LRATD1: variants seen among roughly 807,000 people sequenced by gnomAD.
LRATD1 encodes protein LRATD1.
In LRATD1, 8 loss-of-function variants were observed where a neutral mutation model predicts 21.3. That is an observed-to-expected ratio of 0.38 (90% CI 0.22 to 0.68). LRATD1 has a LOEUF of 0.68. LRATD1 is among the 30% of genes least tolerant of loss of function. LRATD1 has a pLI of 0.54. For missense variants in LRATD1, 380 were observed against 404.0 expected (o/e 0.94, Z 0.51); for synonymous variants, 210 against 186.2 (o/e 1.13, Z -1.04).
At chr2:14,643,925 G>T (rs1271636315), downstream of LRATD1, among the ~76,000 whole-genome samples, 3 of 152,182 alleles carry the variant, frequency 2.0e-5, no homozygotes, top group African/African-American at 4.8e-5. Flanking sequence ...TGATTGGTTA[G>T]TAACTAGTAT....
chr2:14,635,186 G>A lies in LRATD1; in HGVS notation c.*328G>A, dbSNP rs1352042651. On this transcript the variant is annotated 3_prime_UTR_variant, in exon 2 of 2. Transcript: ENST00000295092. The stretch of plus-strand genomic sequence containing the variant: ...AGGGGCTGAGGGGAGAAAGGACATG[G>A]CCTTCCCCGCGAGTCCATGGCCAGT... 1.6e-6 allele frequency: 1 copy of A among 624,412 alleles called. No individual in the cohort carries two copies. The highest frequency in any genetic ancestry group is 2.1e-5 in the Admixed American group (1 of 46,924). 38.7% of individuals were successfully genotyped at this position (624,412 alleles called of 1,614,324 possible). A position where few individuals can be genotyped will look rare whatever the true frequency, so the allele number is the denominator to read the frequency against.
downstream of LRATD1, among the ~76,000 whole-genome samples, chr2:14,640,836 A>T (rs1479569558): frequency 2.0e-5 from 3 of 151,962 alleles, no homozygotes; most frequent in African/African-American, 7.3e-5. Flanking sequence ...CACGCACTTT[A>T]TTTCTTCCCA....
chr2:14,649,377 C>T (rs1671962137), exon 5 of LRATD1: 23 of 456,338 alleles, frequency 5.0e-5, no homozygotes, highest in South Asian at 3.4e-4. Context: ...CCACCAACTC[C>T]TTGTATTGCA....
chr2:14,635,321 TTCAGCTCC>T lies in LRATD1; in HGVS notation c.*466_*473del, dbSNP rs1183509024. 4.2e-5 allele frequency: 20 copies of T among 480,930 alleles called. No individual in the cohort carries two copies. Among genetic ancestry groups the T allele is most frequent in the Non-Finnish European group, 8.1e-5 (19 of 234,218 alleles). 29.8% of individuals were successfully genotyped at this position (480,930 alleles called of 1,614,324 possible). ...GAGAACTGGTCTCTACAGGGCACAG[TTCAGCTCC>T]TCTGTGGATGCGTCCCCAGATCGCA... On this transcript the variant is annotated 3_prime_UTR_variant, in exon 2 of 2. Coordinates refer to ENST00000295092, the MANE Select transcript of LRATD1 (RefSeq NM_145175.4).
chr2:14,634,997 G>A lies in LRATD1; in HGVS notation c.*139G>A, dbSNP rs1464136108. On this transcript the variant is annotated 3_prime_UTR_variant, in exon 2 of 2. Coordinates refer to ENST00000295092, the MANE Select transcript of LRATD1 (RefSeq NM_145175.4). Reference sequence around the variant, plus strand: ...GTCCGCCGCCGGTGGCCCGGGCCCGGGCTGCACCCCCGCATCCCCAAGCCA... The same window carrying A: ...GTCCGCCGCCGGTGGCCCGGGCCCGAGCTGCACCCCCGCATCCCCAAGCCA... The A allele has an allele frequency of 8.3e-7, 1 of 1,198,140 alleles. No individual in the cohort carries two copies. Among genetic ancestry groups the A allele is most frequent in the Non-Finnish European group, 1.2e-6 (1 of 843,892 alleles). The allele number at this position is 1,198,140 out of a possible 1,614,324, so 74.2% of individuals were successfully genotyped here.
In LRATD1 at chr2:14,635,676, A is replaced by AGCTC. The variant is rs1294236809; in HGVS notation, c.*824_*827dup. On this transcript the variant is annotated 3_prime_UTR_variant, in exon 2 of 2. Coordinates refer to ENST00000295092, the MANE Select transcript of LRATD1 (RefSeq NM_145175.4). ...ACAGCCGGCCCCGCCCCCGACAAGG[A>AGCTC]GCTCGCTCGTTCACCTGGTGTCTGG... 1 of 463,686 alleles carries AGCTC rather than the reference A, an allele frequency of 2.2e-6. No homozygotes were observed. Among genetic ancestry groups the AGCTC allele is most frequent in the African/African-American group, 2.0e-5 (1 of 49,910 alleles). The allele number at this position is 463,686 out of a possible 1,614,324, so 28.7% of individuals were successfully genotyped here.
chr2:14,638,976 A>G lies in LRATD1; in HGVS notation c.*4118A>G, dbSNP rs965140172. 2 of 166,878 alleles carry G rather than the reference A, an allele frequency of 1.2e-5. No individual in the cohort carries two copies. The highest frequency in any genetic ancestry group is 2.9e-5 in the Non-Finnish European group (2 of 68,106). The allele number at this position is 166,878 out of a possible 1,614,324, so 10.3% of individuals were successfully genotyped here. A position where few individuals can be genotyped will look rare whatever the true frequency, so the allele number is the denominator to read the frequency against. On this transcript the variant is annotated 3_prime_UTR_variant, in exon 2 of 2. Coordinates refer to ENST00000295092, the MANE Select transcript of LRATD1 (RefSeq NM_145175.4). ...ATAATATACATATATGTACATGTAT[A>G]CATATACATACACACATATGTACAT...
chr2:14,634,977 C>A lies in LRATD1; in HGVS notation c.*119C>A. On this transcript the variant is annotated 3_prime_UTR_variant, in exon 2 of 2. Coordinates refer to ENST00000295092, the MANE Select transcript of LRATD1 (RefSeq NM_145175.4). The stretch of plus-strand genomic sequence containing the variant: ...TGCCCCGCCCCGCCACGCGCGTCCG[C>A]CGCCGGTGGCCCGGGCCCGGGCTGC... 1 of 1,337,524 alleles carries A rather than the reference C, an allele frequency of 7.5e-7. No individual in the cohort carries two copies. 82.9% of individuals were successfully genotyped at this position (1,337,524 alleles called of 1,614,324 possible).
chr2:14,641,902 T>C (rs949161016), downstream of LRATD1: 1 of 152,246 alleles, frequency 6.6e-6, no homozygotes, highest in Non-Finnish European at 1.5e-5. Context: ...GTAGCTCCCA[T>C]TGTAGTTTGT....
In LRATD1 at chr2:14,636,966, GATTT is replaced by G. The variant is rs779425722; in HGVS notation, c.*2113_*2116del. On this transcript the variant is annotated 3_prime_UTR_variant, in exon 2 of 2. Transcript: ENST00000295092. ...AGTATTTTTCTTAAGCCTATTGAGT[GATTT>G]ATTTTTTAAAAAATGTTTAAATGCA... The G allele has an allele frequency of 3.6e-5, 6 of 166,988 alleles. No individual in the cohort carries two copies. Among genetic ancestry groups the G allele is most frequent in the South Asian group, 2.1e-4 (1 of 4,818 alleles). The allele number at this position is 166,988 out of a possible 1,614,324, so 10.3% of individuals were successfully genotyped here.
Position 14,637,871 on chromosome 2 carries a change from A to G in LRATD1, c.*3013A>G, listed in dbSNP as rs1240919620. On this transcript the variant is annotated 3_prime_UTR_variant, in exon 2 of 2. Coordinates refer to ENST00000295092, the MANE Select transcript of LRATD1 (RefSeq NM_145175.4). ...GCAATTACCTGAAAAGTTTCCTAACATTTTAATAATGTTAGGGATTTCGTT... is the reference window on the plus strand; with the variant it reads ...GCAATTACCTGAAAAGTTTCCTAACGTTTTAATAATGTTAGGGATTTCGTT... The G allele has an allele frequency of 1.2e-5, 2 of 167,048 alleles. No homozygotes were observed. The highest frequency in any genetic ancestry group is 6.5e-5 in the Admixed American group (1 of 15,278). 10.3% of individuals were successfully genotyped at this position (167,048 alleles called of 1,614,324 possible).
At chr2:14,648,530 A>G (rs1671933899) in intron 4 of LRATD1, among the ~76,000 whole-genome samples, 3 of 152,216 alleles carry the variant, frequency 2.0e-5, no homozygotes, top group Admixed American at 6.5e-5. Context: ...CTGTTTTAAT[A>G]GAAGACAACT....
At chr2:14,646,762 T>A (rs1671903181) in intron 4 of LRATD1, among the ~76,000 whole-genome samples, 1 of 152,162 alleles carries the variant, frequency 6.6e-6, no homozygotes, top group Non-Finnish European at 1.5e-5. Context: ...AAGGACCTAT[T>A]TACACATGTA....
rs1014380146 is a variant in LRATD1, at chr2:14,639,187, G to T, written c.*4329G>T. 1.2e-5 allele frequency: 2 copies of T among 166,822 alleles called. No individual in the cohort carries two copies. The highest frequency in any genetic ancestry group is 2.4e-5 in the African/African-American group (1 of 41,386). 10.3% of individuals were successfully genotyped at this position (166,822 alleles called of 1,614,324 possible). A position where few individuals can be genotyped will look rare whatever the true frequency, so the allele number is the denominator to read the frequency against. On this transcript the variant is annotated 3_prime_UTR_variant, in exon 2 of 2. Coordinates refer to ENST00000295092, the MANE Select transcript of LRATD1 (RefSeq NM_145175.4). ...CAAAAACAGGAAGAAAAGCCCTGGA[G>T]GTCATATAGCTAATGTATAACTGCA...
At chr2:14,642,479 G>T (rs1206992722), downstream of LRATD1, among the ~76,000 whole-genome samples, 1 of 152,146 alleles carries the variant, frequency 6.6e-6, no homozygotes, top group East Asian at 1.9e-4. Context: ...GATGAGACTA[G>T]ACATTTCTTG....
In LRATD1 at chr2:14,634,068, G is replaced by A. The variant is rs754510230; in HGVS notation, c.89G>A (p.Arg30Gln). 2 of 1,614,022 alleles carry A rather than the reference G, an allele frequency of 1.2e-6. No homozygotes were observed. Among genetic ancestry groups the A allele is most frequent in the African/African-American group, 2.7e-5 (2 of 74,932 alleles). Reference sequence around the variant, plus strand: ...TCGGGGATTGAAAAGGACGAACTGCGGGTCGGGGTTGCCTACTTCTTCTCG... The same window carrying A: ...TCGGGGATTGAAAAGGACGAACTGCAGGTCGGGGTTGCCTACTTCTTCTCG... ...DPSGIEKDELRVGVAYFFSDD... is the reference protein window; with the variant it reads ...DPSGIEKDELQVGVAYFFSDD... Residue 30 changes from arginine to glutamine, a missense_variant, in exon 2 of 2, where the codon CGG (arginine) becomes CAG (glutamine). By Grantham distance (43) the Arg-to-Gln change is conservative (BLOSUM62 1). Transcript: ENST00000295092.
At chr2:14,649,497 G>A (rs1042892547) in intron 5 of LRATD1, 2 of 389,974 alleles carry the variant, frequency 5.1e-6, no homozygotes, top group African/African-American at 2.1e-5. Flanking sequence ...TCTGCCGGGT[G>A]AAATATCAGG....
At chr2:14,650,868 G>A (rs939051697), downstream of LRATD1, 3 of 152,222 alleles carry the variant, frequency 2.0e-5, no homozygotes, top group Admixed American at 6.6e-5. Flanking sequence ...TGGATATGGA[G>A]TGACTGAGTA....
At chr2:14,651,873 A>T (rs959109739), downstream of LRATD1, among the ~76,000 whole-genome samples, 4 of 152,136 alleles carry the variant, frequency 2.6e-5, no homozygotes, top group African/African-American at 9.7e-5. Flanking sequence ...AGGTAAATGT[A>T]CATATTGTAA....
Sources: gnomAD v4.1 joint callset for allele counts (sites outside exome capture counted in the v4.1 genomes callset) on GRCh38, gnomAD v4.1.1 for gene constraint, MANE v1.5 for transcripts, NCBI Gene and HGNC (gene_info 2026-07-23, HGNC 2026-07-21) for gene names.